The following FYB2 variants were observed in gnomAD, a reference collection of about 807,000 sequenced individuals.
FYB2 encodes the protein FYN-binding protein 2.
A neutral mutation model predicts 94.1 loss-of-function variants in FYB2; 103 were observed. The observed-to-expected ratio is 1.09, with a 90% confidence interval of 0.93 to 1.29. The LOEUF is 1.29. Ranked by LOEUF, FYB2 falls within the 50% of genes most tolerant of loss-of-function variation. The pLI is 0.00. For synonymous variants in FYB2, 293 were observed against 287.9 expected, an observed-to-expected ratio of 1.02 and a Z score of -0.18; for missense variants, 896 against 841.5, an observed-to-expected ratio of 1.06 and a Z score of -0.80.
In FYB2 at chr1:56,787,060, G is replaced by C; in HGVS notation, c.953+115C>G. 2.5e-6 allele frequency: 3 copies of C among 1,180,390 alleles called. No individual in the cohort carries two copies. In the South Asian group the frequency reaches 3.8e-5, roughly 15 times the overall value. The allele number at this position is 1,180,390 out of a possible 1,614,324, so 73.1% of individuals were successfully genotyped here. On this transcript the variant is annotated intron_variant, in intron 4 of 19. Coordinates refer to ENST00000343433, the MANE Select transcript of FYB2 (RefSeq NM_001004303.5). The stretch of plus-strand genomic sequence containing the variant: ...TGTTGCTTATAAGTTCACTGCTTCT[G>C]AAACCCTTCTGAGAAATACAGATTC...
At chr1:56,787,060 G>A (rs1646147209) in intron 4 of FYB2, 115 bp downstream of exon 4, 8 of 1,180,272 alleles carry the variant, frequency 6.8e-6, no homozygotes, top group Middle Eastern at 2.0e-4. Context: ...CACTGCTTCT[G>A]AAACCCTTCT....
intron 5 of FYB2, among the ~76,000 whole-genome samples, chr1:56,765,635 C>T (rs898513083): frequency 2.0e-5 from 3 of 152,194 alleles, no homozygotes; most frequent in Non-Finnish European, 4.4e-5. Context: ...CTAGAAAGAG[C>T]AGGCTTCAGC....
chr1:56,785,763 C>T (rs967547108), intron 4 of FYB2, among the ~76,000 whole-genome samples: 25 of 152,222 alleles, frequency 1.6e-4, no homozygotes, highest in African/African-American at 6.0e-4. Flanking sequence ...AGTGTCCCTT[C>T]CCATGCTGTG....
chr1:56,743,592 G>A (rs1645004217), intron 11 of FYB2, among the ~76,000 whole-genome samples: 1 of 152,014 alleles, frequency 6.6e-6, no homozygotes, highest in African/African-American at 2.4e-5. Context: ...AAGAAGGTCA[G>A]CATAACTGGG....
intron 4 of FYB2, among the ~76,000 whole-genome samples, chr1:56,770,016 A>G (rs909512753): frequency 5.3e-5 from 8 of 152,206 alleles, no homozygotes; most frequent in African/African-American, 1.9e-4. Context: ...GACCAACTTC[A>G]GTGTGACTGA....
At chr1:56,763,486 C>T (rs1645548480) in intron 5 of FYB2, among the ~76,000 whole-genome samples, 1 of 151,996 alleles carries the variant, frequency 6.6e-6, no homozygotes, top group African/African-American at 2.4e-5. Flanking sequence ...GTAATTTGTG[C>T]TTTTTGAGGA....
intron 6 of FYB2, among the ~76,000 whole-genome samples, chr1:56,757,691 T>TTCCTTCCTTCCTTCCTTCCTTCCTTCC (rs1557616923): frequency 3.6e-4 from 25 of 70,090 alleles, no homozygotes; most frequent in Admixed American, 9.8e-4. Flanking sequence ...TCCTTCCTTC[T>TTCCTTCCTTCCTTCCTTCCTTCCTTCC]TTCTTTCTTT....
At chr1:56,757,730 C>CTTTCTTTCTTTCTTTCTT (rs1553159483) in intron 6 of FYB2, among the ~76,000 whole-genome samples, 1 of 111,838 alleles carries the variant, frequency 8.9e-6, no homozygotes, top group South Asian at 3.0e-4. Flanking sequence ...TTCTTTCTTT[C>CTTTCTTTCTTTCTTTCTT]TTTCATTCTT....
At chr1:56,811,910 T>C (rs1037856964) in intron 1 of FYB2, among the ~76,000 whole-genome samples, 2 of 149,134 alleles carry the variant, frequency 1.3e-5, no homozygotes, top group Non-Finnish European at 3.0e-5. Flanking sequence ...TTTTCAGTTG[T>C]TAAAAACCTT....
At position 56,738,787 on chromosome 1, in the gene FYB2, A is replaced by C. The variant is rs972722226; in HGVS notation, c.1704-134T>G. On this transcript the variant is annotated intron_variant, in intron 13 of 19. Coordinates refer to ENST00000343433, the MANE Select transcript of FYB2 (RefSeq NM_001004303.5). ...CCCTGGTATTCTCTGACTCCAAGTA[A>C]AAATAGTTTCTCTGGTATTAACAGA... 4.7e-6 allele frequency: 4 copies of C among 854,922 alleles called. No homozygotes were observed. In the African/African-American group the frequency reaches 6.8e-5, roughly 15 times the overall value. 53.0% of individuals were successfully genotyped at this position (854,922 alleles called of 1,614,324 possible).
At chr1:56,819,131 C>G (rs1425295744) in intron 1 of FYB2, 151 bp downstream of exon 1, 1 of 438,796 alleles carries the variant, frequency 2.3e-6, no homozygotes, top group Non-Finnish European at 4.5e-6. Context: ...CCAGTGTGAG[C>G]AGAAATGCAC....
chr1:56,817,351 C>T (rs1646907593), intron 1 of FYB2, among the ~76,000 whole-genome samples: 1 of 152,174 alleles, frequency 6.6e-6, no homozygotes, highest in East Asian at 1.9e-4. Flanking sequence ...ATTCCTATAC[C>T]TTTTCCAAGT....
At chr1:56,820,222 G>A (rs538951617), upstream of FYB2, among the ~76,000 whole-genome samples, 18 of 103,540 alleles carry the variant, frequency 1.7e-4, no homozygotes, top group Admixed American at 2.9e-4. Flanking sequence ...GTGAGACTCC[G>A]TCTCAAAAAA....
chr1:56,804,556 C>T (rs1646596024), intron 1 of FYB2, among the ~76,000 whole-genome samples: 1 of 152,008 alleles, frequency 6.6e-6, no homozygotes, highest in African/African-American at 2.4e-5. Context: ...GAAACCTCAT[C>T]TCTACTAAAA....
upstream of FYB2, among the ~76,000 whole-genome samples, chr1:56,822,509 C>T (rs1191385208): frequency 2.0e-5 from 3 of 152,212 alleles, no homozygotes; most frequent in South Asian, 2.1e-4. Context: ...TGCTCCTCTG[C>T]GTAGCAGGGA....
chr1:56,775,371 C>T (rs1050633484), intron 4 of FYB2, among the ~76,000 whole-genome samples: 2 of 152,136 alleles, frequency 1.3e-5, no homozygotes, highest in Non-Finnish European at 2.9e-5. Flanking sequence ...CATAACCTTA[C>T]AAAATATGCC....
rs1384413335 is a variant in FYB2, at chr1:56,720,151, AAAGAT to A, written c.2131+17_2131+21del. The A allele has an allele frequency of 1.9e-6, 3 of 1,596,032 alleles. No individual in the cohort carries two copies. Among genetic ancestry groups the A allele is most frequent in the Non-Finnish European group, 2.6e-6 (3 of 1,172,514 alleles). ...TTTTTAAAAAGAATGAAATATTATG[AAAGAT>A]AAGCAAATAAACTTACATTTGCCTT... On this transcript the variant is annotated intron_variant, in intron 18 of 19. Transcript: ENST00000343433.
intron 16 of FYB2, 136 bp downstream of exon 16, chr1:56,726,361 T>G: frequency 1.4e-6 from 1 of 700,520 alleles, no homozygotes; most frequent in Non-Finnish European, 2.4e-6. Flanking sequence ...TGTACCATGA[T>G]GTAGGTGTTG....
chr1:56,721,847 T>A (rs1644491182), intron 17 of FYB2, among the ~76,000 whole-genome samples: 1 of 152,120 alleles, frequency 6.6e-6, no homozygotes, highest in African/African-American at 2.4e-5. Flanking sequence ...ATTATAGAAT[T>A]TAATAACATA....
Sources: allele counts gnomAD v4.1 joint callset (sites outside exome capture counted in the v4.1 genomes callset), GRCh38; gene constraint gnomAD v4.1.1; transcripts MANE v1.5; gene names NCBI Gene and HGNC (gene_info 2026-07-23, HGNC 2026-07-21).